The following SEPTIN9 variants were observed in gnomAD, a reference collection of about 807,000 sequenced individuals.
The protein encoded by SEPTIN9 is septin-9.
A neutral mutation model predicts 56.6 loss-of-function variants in SEPTIN9; 13 were observed. The observed-to-expected ratio is 0.23, with a 90% CI of 0.15 to 0.37. SEPTIN9 has a LOEUF of 0.37. Ranked by LOEUF, SEPTIN9 falls within the 10% of genes least tolerant of loss-of-function variation. SEPTIN9 has a pLI of 1.00. For synonymous variants in SEPTIN9, 332 were observed against 334.1 expected, an observed-to-expected ratio of 0.99 and a Z score of 0.07; for missense variants, 650 against 823.1, an observed-to-expected ratio of 0.79 and a Z score of 2.57.
At chr17:77,404,977 CT>C in intron 3 of SEPTIN9, 1 of 1,081,020 alleles carries the variant, frequency 9.3e-7, no homozygotes. Flanking sequence ...GGTGCAGGAC[CT>C]TTGTTTGACG....
intron 3 of SEPTIN9, among the ~76,000 whole-genome samples, chr17:77,418,668 A>G (rs1003897814): frequency 6.6e-6 from 1 of 152,082 alleles, no homozygotes; most frequent in East Asian, 1.9e-4. Flanking sequence ...ATTTTCTCTT[A>G]AGGCCGTGAG....
chr17:77,437,254 G>C lies in SEPTIN9; in HGVS notation c.721+34551G>C, dbSNP rs1362568436. Among the ~76,000 whole-genome samples, 1 of 152,190 alleles carries C rather than the reference G, an allele frequency of 6.6e-6. No homozygotes were observed. Among genetic ancestry groups the C allele is most frequent in the African/African-American group, 2.4e-5 (1 of 41,436 alleles). ...AAGTGGTTGGAAAGCAAGAAGCCTG[G>C]AGAGAAGTGAGGCCTCTGTGGTTTG... On this transcript the variant is annotated intron_variant, in intron 3 of 11. Transcript: ENST00000427177. This position sits in a 1 kb window ranked among gnomAD's most constrained non-coding sequence, Gnocchi z 5.3.
At chr17:77,459,052 C>A (rs1038845097) in intron 3 of SEPTIN9, among the ~76,000 whole-genome samples, 1 of 152,196 alleles carries the variant, frequency 6.6e-6, no homozygotes, top group Admixed American at 6.5e-5. Context: ...AGGCAGTGAA[C>A]GGGGCCACGG....
chr17:77,413,857 G>A (rs1224227597), intron 3 of SEPTIN9, among the ~76,000 whole-genome samples: 1 of 151,846 alleles, frequency 6.6e-6, no homozygotes, highest in East Asian at 1.9e-4. Flanking sequence ...TGGGGTGGGG[G>A]TGGGGATGGG....
intron 3 of SEPTIN9, among the ~76,000 whole-genome samples, chr17:77,471,515 C>G (rs967655372): frequency 1.3e-5 from 2 of 152,256 alleles, no homozygotes; most frequent in African/African-American, 4.8e-5. Context: ...AGCCCCAGCC[C>G]CCACAGCCCC....
Position 77,422,679 on chromosome 17 carries a change from C to T in SEPTIN9, c.721+19976C>T, listed in dbSNP as rs4789003. Among the ~76,000 whole-genome samples the T allele has an allele frequency of 5.9e-5, 8 of 136,360 alleles. No homozygotes were observed. The East Asian group carries it at 1.2e-3, about 21-fold the overall frequency. 89.5% of individuals were successfully genotyped at this position (136,360 alleles called of 152,430 possible). ...GTGCAGGGGTCCATCCCCATGAAAC[C>T]GGGCCCATCCCCATGAAACTGGGCC... On this transcript the variant is annotated intron_variant, in intron 3 of 11. Transcript: ENST00000427177.
At chr17:77,314,960 G>A (rs1274564639) in intron 2 of SEPTIN9, among the ~76,000 whole-genome samples, 2 of 152,200 alleles carry the variant, frequency 1.3e-5, no homozygotes, top group Non-Finnish European at 2.9e-5. Flanking sequence ...ACTGGACCTG[G>A]CTCCTACTGG....
chr17:77,400,273 C>T lies in SEPTIN9; in HGVS notation c.77-1786C>T, dbSNP rs561367084. Reference sequence around the variant, plus strand: ...TATCATATAAAGATCCAGATTTCTACTCTCTTGAGAAGTGAACAGCTCTGG... The same window carrying T: ...TATCATATAAAGATCCAGATTTCTATTCTCTTGAGAAGTGAACAGCTCTGG... On this transcript the variant is annotated intron_variant, in intron 2 of 11. Transcript: ENST00000427177. The surrounding 1 kb of genome is among the most constrained non-coding windows in gnomAD (Gnocchi z 4.1). 6.6e-6 allele frequency among the ~76,000 whole-genome samples: 1 copy of T among 152,328 alleles called. No homozygotes were observed. Among genetic ancestry groups the T allele is most frequent in the South Asian group, 2.1e-4 (1 of 4,828 alleles).
In SEPTIN9 at chr17:77,415,879, G is replaced by A. The variant is rs548097445; in HGVS notation, c.721+13176G>A. Among the ~76,000 whole-genome samples, 143 of 152,376 alleles carry A rather than the reference G, an allele frequency of 9.4e-4. 2 individuals are homozygous for A. The South Asian group carries it at 0.03, about 32-fold the overall frequency. The stretch of plus-strand genomic sequence containing the variant: ...GAGGAGCGTGGGCAGGACAGCCCCA[G>A]GAGGGCACCTGGAGAGCAGGGCCGG... On this transcript the variant is annotated intron_variant, in intron 3 of 11. Coordinates refer to ENST00000427177, the MANE Select transcript of SEPTIN9 (RefSeq NM_001113491.2).
chr17:77,451,675 C>A lies in SEPTIN9; in HGVS notation c.722-30469C>A. 1.9e-6 allele frequency: 1 copy of A among 527,126 alleles called. No individual in the cohort carries two copies. The highest frequency in any genetic ancestry group is 2.4e-6 in the Non-Finnish European group (1 of 410,998). 32.7% of individuals were successfully genotyped at this position (527,126 alleles called of 1,614,324 possible). Reference sequence around the variant, plus strand: ...GGGCCCCGGCCCGAGGCCGGCAGGACCGAGCGGGGTCCCCAGGAGAGGGGT... The same window carrying A: ...GGGCCCCGGCCCGAGGCCGGCAGGAACGAGCGGGGTCCCCAGGAGAGGGGT... On this transcript the variant is annotated intron_variant, in intron 3 of 11. Coordinates refer to ENST00000427177, the MANE Select transcript of SEPTIN9 (RefSeq NM_001113491.2). The surrounding 1 kb of genome is among the most constrained non-coding windows in gnomAD (Gnocchi z 4.2).
intron 3 of SEPTIN9, among the ~76,000 whole-genome samples, chr17:77,465,004 C>T (rs574565963): frequency 7.2e-5 from 11 of 152,322 alleles, no homozygotes; most frequent in South Asian, 2.1e-4. Context: ...TTCCCAACTC[C>T]GGGCTCTCAG....
In SEPTIN9 at chr17:77,317,951, T is replaced by A. The variant is rs2032767687; in HGVS notation, c.76+10754T>A. On this transcript the variant is annotated intron_variant, in intron 2 of 11. Coordinates refer to ENST00000427177, the MANE Select transcript of SEPTIN9 (RefSeq NM_001113491.2). This position sits in a 1 kb window ranked among gnomAD's most constrained non-coding sequence, Gnocchi z 4.2. ...CTGTAGTCCCAGCTTCTTGGGAGGC[T>A]GAGGCAGAAGAATTGCTTGAACCCA... Among the ~76,000 whole-genome samples the A allele has an allele frequency of 6.6e-6, 1 of 152,128 alleles. No homozygotes were observed. The highest frequency in any genetic ancestry group is 2.1e-4 in the South Asian group (1 of 4,834).
intron 2 of SEPTIN9, among the ~76,000 whole-genome samples, chr17:77,316,594 C>T (rs968978796): frequency 2.3e-4 from 35 of 152,316 alleles, no homozygotes; most frequent in Admixed American, 2.0e-3. Context: ...AAGTTCCCAC[C>T]GCCAGCCAGG....
intron 2 of SEPTIN9, among the ~76,000 whole-genome samples, chr17:77,380,937 G>T: frequency 6.6e-6 from 1 of 152,236 alleles, no homozygotes; most frequent in Admixed American, 6.5e-5. Flanking sequence ...CCCTTCTACA[G>T]TGCTGCCCCT....
intron 2 of SEPTIN9, among the ~76,000 whole-genome samples, chr17:77,370,434 A>AT (rs1252932039): frequency 6.6e-6 from 1 of 152,134 alleles, no homozygotes; most frequent in African/African-American, 2.4e-5. Flanking sequence ...GGCCCACCTT[A>AT]TCTTGAGATC....
intron 1 of SEPTIN9, among the ~76,000 whole-genome samples, chr17:77,300,692 ACCCCAGGCTCAAACCG>A (rs2031998747): frequency 1.4e-5 from 1 of 69,822 alleles, no homozygotes; most frequent in South Asian, 4.3e-4. Flanking sequence ...GGACGCCCCC[ACCCCAGGCTCAAACCG>A]CCCCCACCCC....
rs558298352 is a variant in SEPTIN9 at position 77,475,656 on chromosome 17, A to G, written c.722-6488A>G. 1.2e-6 allele frequency: 2 copies of G among 1,613,830 alleles called. No homozygotes were observed. The highest frequency in any genetic ancestry group is 4.5e-5 in the East Asian group (2 of 44,880). ...CTCCAGTGTGCATTGTTACGAGGCA[A>G]AGTAAGGAGACTGCTGGGCCCACGC... On this transcript the variant is annotated intron_variant, in intron 3 of 11. Transcript: ENST00000427177. This position sits in a 1 kb window ranked among gnomAD's most constrained non-coding sequence, Gnocchi z 4.6.
intron 3 of SEPTIN9, among the ~76,000 whole-genome samples, chr17:77,414,267 G>A (rs765348130): frequency 5.9e-5 from 9 of 151,706 alleles, no homozygotes; most frequent in African/African-American, 1.7e-4. Flanking sequence ...TAGTAGAGAC[G>A]GGGTTTCTCC....
Position 77,488,338 on chromosome 17 carries a change from G to A in SEPTIN9, c.1124+17G>A. 1 of 1,607,770 alleles carries A rather than the reference G, an allele frequency of 6.2e-7. No homozygotes were observed. The highest frequency in any genetic ancestry group is 8.5e-7 in the Non-Finnish European group (1 of 1,174,730). On this transcript the variant is annotated intron_variant, in intron 6 of 11. Coordinates refer to ENST00000427177, the MANE Select transcript of SEPTIN9 (RefSeq NM_001113491.2). ...CGAGAACTGGTGAGGCCCCTCCAGG[G>A]GGAGGAGCACTAGCGGGGGCTTCAG... is the stretch of plus-strand genomic sequence containing the variant.
Sources: allele counts gnomAD v4.1 joint callset (sites outside exome capture counted in the v4.1 genomes callset), GRCh38; gene constraint gnomAD v4.1.1; non-coding constraint Gnocchi (gnomAD v3.1); transcripts MANE v1.5; gene names NCBI Gene and HGNC (gene_info 2026-07-23, HGNC 2026-07-21).